PDGFD: variants seen among roughly 807,000 people sequenced by gnomAD.
The protein encoded by PDGFD is platelet derived growth factor D.
PDGFD carries 30 observed loss-of-function variants against 44.7 expected under a neutral mutation model. The observed-to-expected ratio is 0.67, with a 90% CI of 0.50 to 0.91. The LOEUF (loss-of-function observed/expected upper bound fraction) is 0.91. Among genes scored for constraint, PDGFD ranks in the 40% least tolerant of loss-of-function variants. The pLI is 0.00. For missense variants in PDGFD, 445 were observed against 457.8 expected (o/e 0.97, Z 0.25); for synonymous variants, 173 against 168.4 (o/e 1.03, Z -0.21).
chr11:104,145,619 T>C (rs1862150843), intron 1 of PDGFD, among the ~76,000 whole-genome samples: 1 of 152,198 alleles, frequency 6.6e-6, no homozygotes, highest in African/African-American at 2.4e-5. Context: ...TGAAGCAATT[T>C]ATATAGGGAG....
rs1203456063 is a variant in PDGFD at position 104,000,096 on chromosome 11, A to G, written c.284T>C (p.Phe95Ser). ...TTCCTCTAATCCAAACTGATTGTCA[A>G]ACACTAGCTGTATCCGTGTATTCTC... ...SQENTRIQLV[F>S]DNQFGLEEAE... is the part of the protein sequence containing the mutation. The change falls in exon 2 of 7, where the codon TTT (phenylalanine) becomes TCT (serine). Residue 95 changes from phenylalanine to serine, a missense_variant. Physicochemically the swap from Phe to Ser is radical, Grantham distance 155. Coordinates refer to ENST00000393158, the MANE Select transcript of PDGFD (RefSeq NM_025208.5). The G allele has an allele frequency of 6.2e-7, 1 of 1,614,106 alleles. No individual in the cohort carries two copies. Among genetic ancestry groups the G allele is most frequent in the Admixed American group, 1.7e-5 (1 of 60,020 alleles).
In PDGFD at chr11:104,037,413, G is replaced by T. The variant is rs1320656925; in HGVS notation, c.125-37158C>A. On this transcript the variant is annotated intron_variant, in intron 1 of 6. Transcript: ENST00000393158. ...AAAAGGCCTTGAGAGAGCAAGAGAG[G>T]CTTCGTCTCTACACAGCCGACCCAC... 7.4e-6 allele frequency: 12 copies of T among 1,613,994 alleles called. No individual in the cohort carries two copies. In the African/African-American group the frequency reaches 1.5e-4, roughly 20 times the overall value.
At chr11:104,015,022 C>T (rs974848758) in intron 1 of PDGFD, among the ~76,000 whole-genome samples, 1 of 152,144 alleles carries the variant, frequency 6.6e-6, no homozygotes. Context: ...GTTCTCAATT[C>T]CTCTGTTGCT....
Position 103,909,519 on chromosome 11 carries a change from T to C in PDGFD, c.*175A>G, listed in dbSNP as rs1857994459. 1.4e-6 allele frequency: 1 copy of C among 713,362 alleles called. No individual in the cohort carries two copies. Among genetic ancestry groups the C allele is most frequent in the Non-Finnish European group, 2.4e-6 (1 of 423,856 alleles). 44.2% of individuals were successfully genotyped at this position (713,362 alleles called of 1,614,324 possible). ...TTCTTAGGTATAGAAGTTGATGATA[T>C]ACCTTTCTACTTGCCATGGCATTAA... On this transcript the variant is annotated 3_prime_UTR_variant, in exon 7 of 7. Transcript: ENST00000393158.
intron 1 of PDGFD, among the ~76,000 whole-genome samples, chr11:104,124,634 G>C (rs1427346915): frequency 6.6e-6 from 1 of 151,952 alleles, no homozygotes; most frequent in Non-Finnish European, 1.5e-5. Flanking sequence ...CTAGTTTATG[G>C]TGAAGCAAAG....
intron 1 of PDGFD, among the ~76,000 whole-genome samples, chr11:104,022,180 A>G (rs1399845808): frequency 1.3e-5 from 2 of 152,176 alleles, no homozygotes; most frequent in Non-Finnish European, 2.9e-5. Context: ...AGGCTAAAAT[A>G]TATTGGGATC....
At chr11:104,098,909 T>C (rs1861326377) in intron 1 of PDGFD, among the ~76,000 whole-genome samples, 1 of 152,162 alleles carries the variant, frequency 6.6e-6, no homozygotes, top group South Asian at 2.1e-4. Flanking sequence ...TTCAGGGAGA[T>C]CCTTGCCTTA....
rs946491025 is a variant in PDGFD at position 104,045,949 on chromosome 11, T to C, written c.125-45694A>G. On this transcript the variant is annotated intron_variant, in intron 1 of 6. Transcript: ENST00000393158. ...ACATGGAGGGCTAGTGATTCTATGA[T>C]AGGAACTGTAAAGAGTCCAGAAACT... Among the ~76,000 whole-genome samples, 7 of 146,622 alleles carry C rather than the reference T, an allele frequency of 4.8e-5. 1 individual carries two copies. The highest frequency in any genetic ancestry group is 1.7e-4 in the African/African-American group (7 of 40,398).
chr11:104,115,542 T>G (rs1861623322), intron 1 of PDGFD, among the ~76,000 whole-genome samples: 4 of 151,878 alleles, frequency 2.6e-5, no homozygotes, highest in Admixed American at 2.6e-4. Context: ...TTTTCCTTTG[T>G]GTAGATACCC....
chr11:103,911,177 C>T (rs1424035214), intron 6 of PDGFD, among the ~76,000 whole-genome samples: 1 of 152,224 alleles, frequency 6.6e-6, no homozygotes, highest in Non-Finnish European at 1.5e-5. Context: ...TTAAACATTC[C>T]TGCCTGGAGG....
At chr11:103,980,526 C>T (rs1859253788) in intron 3 of PDGFD, among the ~76,000 whole-genome samples, 1 of 152,010 alleles carries the variant, frequency 6.6e-6, no homozygotes, top group Non-Finnish European at 1.5e-5. Flanking sequence ...GCCAACACTG[C>T]CAGGGTTGTG....
chr11:103,999,913 T>A (rs145184406), intron 2 of PDGFD, 138 bp downstream of exon 2: 2 of 724,950 alleles, frequency 2.8e-6, no homozygotes, highest in Non-Finnish European at 4.6e-6. Context: ...TTAGGGTCTT[T>A]AGGCTTTTTG....
chr11:104,062,215 C>T (rs1315178438), intron 1 of PDGFD, among the ~76,000 whole-genome samples: 2 of 152,158 alleles, frequency 1.3e-5, no homozygotes, highest in Admixed American at 6.5e-5. Context: ...CAGACAGCAC[C>T]CAGTGTTTCT....
chr11:104,023,027 G>C (rs1320247859), intron 1 of PDGFD, among the ~76,000 whole-genome samples: 1 of 152,038 alleles, frequency 6.6e-6, no homozygotes, highest in Non-Finnish European at 1.5e-5. Context: ...CTTTGATTTA[G>C]TAACCATAGC....
At chr11:104,153,452 T>C (rs1467173335) in intron 1 of PDGFD, among the ~76,000 whole-genome samples, 1 of 152,150 alleles carries the variant, frequency 6.6e-6, no homozygotes, top group African/African-American at 2.4e-5. Context: ...GCAGGGCTTA[T>C]GATAGAAATA....
chr11:104,073,892 C>A (rs1565327226), intron 1 of PDGFD, among the ~76,000 whole-genome samples: 1 of 152,156 alleles, frequency 6.6e-6, no homozygotes, highest in Non-Finnish European at 1.5e-5. Context: ...TTGACATATT[C>A]ACAAGGTAAA....
At chr11:104,059,311 A>G (rs1339900620) in intron 1 of PDGFD, among the ~76,000 whole-genome samples, 5 of 152,226 alleles carry the variant, frequency 3.3e-5, no homozygotes, top group Admixed American at 2.0e-4. Flanking sequence ...AATAAATACA[A>G]TCTTCATATG....
rs577560466 is a variant in PDGFD at position 104,002,226 on chromosome 11, G to A, written c.125-1971C>T. Among the ~76,000 whole-genome samples the A allele has an allele frequency of 1.4e-4, 21 of 152,222 alleles. No homozygotes were observed. In the South Asian group the frequency reaches 4.4e-3, roughly 32 times the overall value. On this transcript the variant is annotated intron_variant, in intron 1 of 6. Transcript: ENST00000393158. ...GGTGTCTGCTCATTTTGTCATAAGG[G>A]GCTTTTAGGCAATGGGTCTTGATAT... is the stretch of plus-strand genomic sequence containing the variant.
At chr11:103,924,893 C>T (rs1200223500) in intron 6 of PDGFD, among the ~76,000 whole-genome samples, 1 of 152,016 alleles carries the variant, frequency 6.6e-6, no homozygotes, top group Non-Finnish European at 1.5e-5. Flanking sequence ...ATACACGTGC[C>T]ATGGTGGTTT....
Sources: allele counts gnomAD v4.1 joint callset (sites outside exome capture counted in the v4.1 genomes callset), GRCh38; gene constraint gnomAD v4.1.1; transcripts MANE v1.5; gene names NCBI Gene and HGNC (gene_info 2026-07-23, HGNC 2026-07-21).